CD244: variants seen among roughly 807,000 people sequenced by gnomAD.
CD244 encodes natural killer cell receptor 2B4.
A neutral mutation model predicts 45.5 loss-of-function variants in CD244; 20 were observed. That is an observed-to-expected ratio of 0.44 (90% confidence interval 0.31 to 0.64). The LOEUF is 0.64. Ranked by LOEUF, CD244 falls within the 30% of genes least tolerant of loss-of-function variation. The pLI is 0.08. For missense variants in CD244, 407 were observed against 426.9 expected (o/e 0.95, Z 0.41); for synonymous variants, 185 against 160.5 (o/e 1.15, Z -1.15).
intron 1 of CD244, among the ~76,000 whole-genome samples, chr1:160,852,857 A>G (rs1355117644): frequency 6.6e-6 from 1 of 151,566 alleles, no homozygotes; most frequent in Admixed American, 6.6e-5. Context: ...ACCCCATCTC[A>G]AAAAAAAGAA....
chr1:160,838,568 G>T, intron 4 of CD244, 50 bp from the exon 5 acceptor site: 1 of 1,352,192 alleles, frequency 7.4e-7, no homozygotes, highest in Non-Finnish European at 1.1e-6. Context: ...CTCCAGAAGG[G>T]CTTTTGCTTC....
At chr1:160,838,329 C>T (rs1408905295) in intron 5 of CD244, 122 bp downstream of exon 5, 2 of 780,398 alleles carry the variant, frequency 2.6e-6, no homozygotes, top group Non-Finnish European at 4.6e-6. Context: ...TGGGGAAGGG[C>T]TGAGGGTCAC....
intron 6 of CD244, 53 bp downstream of exon 6, chr1:160,836,141 AT>A: frequency 5.2e-6 from 7 of 1,353,936 alleles, no homozygotes; most frequent in Non-Finnish European, 7.4e-6. Context: ...TCAGGGGGGC[AT>A]TAGGAAACCC....
intron 4 of CD244, 61 bp downstream of exon 4, chr1:160,838,878 G>T: frequency 8.8e-7 from 1 of 1,132,036 alleles, no homozygotes; most frequent in South Asian, 1.4e-5. Context: ...CTGGACGCAG[G>T]ACAAAGTCAC....
At position 160,847,595 on chromosome 1, in the gene CD244, A is replaced by G. The variant is rs1485307977; in HGVS notation, c.62-5694T>C. Among the ~76,000 whole-genome samples, 3 of 152,200 alleles carry G rather than the reference A, an allele frequency of 2.0e-5. No homozygotes were observed. The East Asian group carries it at 5.8e-4, about 29-fold the overall frequency. On this transcript the variant is annotated intron_variant, in intron 1 of 8. Coordinates refer to ENST00000368034, the MANE Select transcript of CD244 (RefSeq NM_016382.4). ...TTTAAAACATAAGAAACATATTTCT[A>G]AAAACCCATGAGTCAAAGAATAAAT...
intron 1 of CD244, among the ~76,000 whole-genome samples, chr1:160,858,445 C>A (rs973580928): frequency 6.6e-6 from 1 of 152,150 alleles, no homozygotes; most frequent in Non-Finnish European, 1.5e-5. Context: ...TGTAAAGCAT[C>A]TGGGGATTCA....
At chr1:160,852,162 A>G (rs777767703) in intron 1 of CD244, among the ~76,000 whole-genome samples, 20 of 152,246 alleles carry the variant, frequency 1.3e-4, no homozygotes, top group Admixed American at 2.6e-4. Context: ...GAAAGAGAAT[A>G]TCCAATAGCC....
Position 160,862,876 on chromosome 1 carries a change from T to C in CD244, c.-199A>G. ...AGGCCACTGAGAAAGCCCCAGCGCC[T>C]GGAGCTGGTCTGACAGTTCCCACAA... On this transcript the variant is annotated 5_prime_UTR_variant, in exon 1 of 9. Coordinates refer to ENST00000368034, the MANE Select transcript of CD244 (RefSeq NM_016382.4). 2 of 495,122 alleles carry C rather than the reference T, an allele frequency of 4.0e-6. No homozygotes were observed. Among genetic ancestry groups the C allele is most frequent in the South Asian group, 6.9e-5 (2 of 28,780 alleles). The allele number at this position is 495,122 out of a possible 1,614,324, so 30.7% of individuals were successfully genotyped here.
At chr1:160,838,340 A>G (rs900706555) in intron 5 of CD244, 111 bp downstream of exon 5, 76 of 834,356 alleles carry the variant, frequency 9.1e-5, no homozygotes, top group Non-Finnish European at 1.6e-4. Context: ...TGAGGGTCAC[A>G]TCAAAAGGAC....
intron 1 of CD244, among the ~76,000 whole-genome samples, chr1:160,849,946 A>G (rs1669863973): frequency 6.6e-6 from 1 of 152,136 alleles, no homozygotes; most frequent in Non-Finnish European, 1.5e-5. Flanking sequence ...CGGGAAGCGG[A>G]GGCTGCAGTG....
chr1:160,831,774 C>A (rs1416805542), intron 8 of CD244, among the ~76,000 whole-genome samples: 1 of 152,176 alleles, frequency 6.6e-6, no homozygotes, highest in Non-Finnish European at 1.5e-5. Flanking sequence ...CCATCCCTCC[C>A]TTCTGACCAA....
At chr1:160,832,321 T>C (rs1005995807) in intron 8 of CD244, among the ~76,000 whole-genome samples, 198 bp downstream of exon 8, 1 of 152,176 alleles carries the variant, frequency 6.6e-6, no homozygotes, top group African/African-American at 2.4e-5. Context: ...ACACGCAATA[T>C]GATCTTGGGT....
At chr1:160,860,445 C>CA (rs879796905) in intron 1 of CD244, among the ~76,000 whole-genome samples, 291 of 135,100 alleles carry the variant, frequency 2.2e-3, no homozygotes, top group East Asian at 4.7e-3. Flanking sequence ...CTTGGGTCAG[C>CA]AAAAAAAAAA....
chr1:160,839,022 A>G lies in CD244; in HGVS notation c.683T>C (p.Ile228Thr). 6.2e-7 allele frequency: 1 copy of G among 1,614,022 alleles called. No individual in the cohort carries two copies. Among genetic ancestry groups the G allele is most frequent in the Non-Finnish European group, 8.5e-7 (1 of 1,179,948 alleles). Reference sequence around the variant, plus strand: ...GAACAGTGCGCTTAGAATCACGATGATCACCAAAAACGGCCAAAATCTGAA... The same window carrying G: ...GAACAGTGCGCTTAGAATCACGATGGTCACCAAAAACGGCCAAAATCTGAA... ...QEFRFWPFLV[I>T]IVILSALFLG... is the part of the protein sequence containing the mutation. The change falls in exon 4 of 9, where the codon ATC becomes ACC. Residue 228 changes from isoleucine (I) to threonine (T), a missense_variant. Coordinates refer to ENST00000368034, the MANE Select transcript of CD244 (RefSeq NM_016382.4).
intron 1 of CD244, among the ~76,000 whole-genome samples, chr1:160,851,827 G>A (rs560171828): frequency 8.6e-4 from 131 of 152,254 alleles, no homozygotes; most frequent in Non-Finnish European, 1.6e-3. Flanking sequence ...ACAGGCATGA[G>A]CCACTGCACC....
chr1:160,851,361 A>T (rs1669913888), intron 1 of CD244, among the ~76,000 whole-genome samples: 1 of 152,210 alleles, frequency 6.6e-6, no homozygotes. Context: ...TCACTTCGGA[A>T]TTTCTAAAAA....
chr1:160,861,402 C>A (rs1670297381), intron 1 of CD244, among the ~76,000 whole-genome samples: 1 of 152,224 alleles, frequency 6.6e-6, no homozygotes, highest in Non-Finnish European at 1.5e-5. Flanking sequence ...GACTTTATTG[C>A]ATATGGGGCT....
intron 8 of CD244, 134 bp from the exon 9 acceptor site, chr1:160,831,561 G>A: frequency 1.2e-5 from 8 of 659,146 alleles, no homozygotes; most frequent in Non-Finnish European, 1.9e-5. Flanking sequence ...AATTACTCAG[G>A]ATCCACGACT....
chr1:160,852,627 C>T (rs1467068321), intron 1 of CD244, among the ~76,000 whole-genome samples: 2 of 152,112 alleles, frequency 1.3e-5, no homozygotes, highest in Non-Finnish European at 2.9e-5. Context: ...TCATTTATTG[C>T]TAGTGAGAGT....
Sources: gnomAD v4.1 joint callset for allele counts (sites outside exome capture counted in the v4.1 genomes callset) on GRCh38, gnomAD v4.1.1 for gene constraint, MANE v1.5 for transcripts, NCBI Gene and HGNC (gene_info 2026-07-23, HGNC 2026-07-21) for gene names.